Variants in ALKBH1 observed in about 807,000 individuals in gnomAD.
ALKBH1 encodes nucleic acid dioxygenase ALKBH1.
In ALKBH1, 31 loss-of-function variants were observed where a neutral mutation model predicts 36.6. The observed-to-expected ratio is 0.85, with a 90% confidence interval of 0.64 to 1.14. The LOEUF is 1.14. Among genes scored for constraint, ALKBH1 ranks in the 50% most tolerant of loss-of-function variants. ALKBH1 has a pLI of 0.00. For missense variants in ALKBH1, 490 were observed against 497.3 expected (o/e 0.99, Z 0.14); for synonymous variants, 183 against 186.6 (o/e 0.98, Z 0.16).
chr14:77,676,578 T>C (rs1190709673), intron 4 of ALKBH1, among the ~76,000 whole-genome samples: 3 of 152,172 alleles, frequency 2.0e-5, no homozygotes, highest in African/African-American at 7.2e-5. Flanking sequence ...AGAACAAAGA[T>C]ATTAGTTAAA....
At chr14:77,690,762 TTC>T (rs534615909) in intron 3 of ALKBH1, among the ~76,000 whole-genome samples, 47 of 152,376 alleles carry the variant, frequency 3.1e-4, no homozygotes, top group African/African-American at 9.9e-4. Flanking sequence ...CATTTTTTTT[TTC>T]TGTTACAAAC....
intron 2 of ALKBH1, among the ~76,000 whole-genome samples, chr14:77,701,248 G>C (rs375101302): frequency 6.6e-6 from 1 of 152,176 alleles, no homozygotes; most frequent in African/African-American, 2.4e-5. Context: ...TAAATGCACT[G>C]ATCTAAGCAG....
chr14:77,704,379 T>G lies in ALKBH1; in HGVS notation c.282A>C (p.Lys94Asn), dbSNP rs764056279. The stretch of plus-strand genomic sequence containing the variant: ...GTCAGTTACACTCACCAGGATAGCC[T>G]TTGAGTCCATAGGCTTGCCACTTGC... ...PVSKWQAYGLKGYPGFIFIPN... is the reference protein window; with the variant it reads ...PVSKWQAYGLNGYPGFIFIPN... Residue 94 changes from lysine to asparagine, a missense_variant, in exon 2 of 6, where the codon AAA (lysine) becomes AAC (asparagine). Transcript: ENST00000216489. The G allele has an allele frequency of 6.2e-7, 1 of 1,613,444 alleles. No individual in the cohort carries two copies. Among genetic ancestry groups the G allele is most frequent in the Non-Finnish European group, 8.5e-7 (1 of 1,179,346 alleles).
intron 1 of ALKBH1, among the ~76,000 whole-genome samples, chr14:77,706,047 G>A (rs1374094314): frequency 2.0e-5 from 3 of 151,468 alleles, no homozygotes; most frequent in Non-Finnish European, 4.4e-5. Context: ...ACAGTGAGAC[G>A]CTGTCTCAGT....
chr14:77,674,214 C>T lies in ALKBH1; in HGVS notation c.768G>A (p.Leu256=), dbSNP rs755405334. Residue 256 remains leucine (L), a synonymous_variant, in exon 6 of 6, where the codon CTG becomes CTA. Coordinates refer to ENST00000216489, the MANE Select transcript of ALKBH1 (RefSeq NM_006020.3). The part of the protein sequence containing the change: ...FSFGQSAIFL[L]GGLQRDEAPT... ...GGGCCTCATCCCTTTGAAGACCACC[C>T]AGGAGAAAGATGGCGGACTGTCCAA... The T allele has an allele frequency of 1.2e-6, 2 of 1,609,062 alleles. No homozygotes were observed. The highest frequency in any genetic ancestry group is 1.7e-5 in the Admixed American group (1 of 59,256).
intron 2 of ALKBH1, among the ~76,000 whole-genome samples, chr14:77,703,593 C>A (rs1255867167): frequency 8.0e-5 from 9 of 112,898 alleles, no homozygotes; most frequent in Admixed American, 6.9e-4. Flanking sequence ...CTGCGTCCAG[C>A]TTTTTTTTTT....
At chr14:77,678,784 C>T (rs1342561332) in intron 4 of ALKBH1, among the ~76,000 whole-genome samples, 1 of 151,994 alleles carries the variant, frequency 6.6e-6, no homozygotes, top group Non-Finnish European at 1.5e-5. Context: ...AATTCTTTCC[C>T]ACCTCCCTCC....
At chr14:77,687,797 T>C (rs1303804862) in intron 3 of ALKBH1, among the ~76,000 whole-genome samples, 1 of 152,190 alleles carries the variant, frequency 6.6e-6, no homozygotes, top group Non-Finnish European at 1.5e-5. Flanking sequence ...TGAGGCTTCC[T>C]GGGGCCAACA....
At position 77,673,101 on chromosome 14, in the gene ALKBH1, G is replaced by A. The variant is rs921822665; in HGVS notation, c.*711C>T. 1.3e-5 allele frequency: 2 copies of A among 152,070 alleles called. No individual in the cohort carries two copies. Among genetic ancestry groups the A allele is most frequent in the African/African-American group, 4.8e-5 (2 of 41,404 alleles). The allele number at this position is 152,070 out of a possible 1,614,324, so 9.4% of individuals were successfully genotyped here. A position where few individuals can be genotyped will look rare whatever the true frequency, so the allele number is the denominator to read the frequency against. On this transcript the variant is annotated 3_prime_UTR_variant, in exon 6 of 6. Transcript: ENST00000216489. Reference sequence around the variant, plus strand: ...AGAAAACAGTAACAAAACACCCTTGGGACTTTTTTATTCCAACAATTAAAA... The same window carrying A: ...AGAAAACAGTAACAAAACACCCTTGAGACTTTTTTATTCCAACAATTAAAA...
At chr14:77,683,305 TG>T in intron 3 of ALKBH1, 1 of 746,186 alleles carries the variant, frequency 1.3e-6, no homozygotes, top group Non-Finnish European at 2.5e-6. Flanking sequence ...GCACTTCAGT[TG>T]AACTCAGGTA....
chr14:77,690,963 G>A (rs907413822), intron 3 of ALKBH1, among the ~76,000 whole-genome samples: 2 of 152,018 alleles, frequency 1.3e-5, no homozygotes, highest in African/African-American at 2.4e-5. Context: ...CACCATGCCC[G>A]GCTAATTTTG....
rs534630640 is a variant in ALKBH1 at position 77,706,201 on chromosome 14, A to G, written c.183+1621T>C. Among the ~76,000 whole-genome samples, 131 of 152,232 alleles carry G rather than the reference A, an allele frequency of 8.6e-4. 1 individual carries two copies. In the Middle Eastern group the frequency reaches 0.01, roughly 12 times the overall value. On this transcript the variant is annotated intron_variant, in intron 1 of 5. Transcript: ENST00000216489. ...GGAGATTCCTGGACAAAATACCAAA[A>G]GTTTGCTGATGTATAACCAGTCTCT... is the stretch of plus-strand genomic sequence containing the variant.
In ALKBH1 at chr14:77,708,007, C is replaced by G. The variant is rs761306894; in HGVS notation, c.-3G>C. On this transcript the variant is annotated 5_prime_UTR_variant, in exon 1 of 6. Coordinates refer to ENST00000216489, the MANE Select transcript of ALKBH1 (RefSeq NM_006020.3). The stretch of plus-strand genomic sequence containing the variant: ...ACGGCCGCTGCCATCTTCCCCATCT[C>G]GCGGCCTATACCCTCTGATCCGGAA... 6.2e-7 allele frequency: 1 copy of G among 1,609,056 alleles called. No individual in the cohort carries two copies. The highest frequency in any genetic ancestry group is 2.2e-5 in the East Asian group (1 of 44,798).
chr14:77,705,317 A>G (rs1354443154), intron 1 of ALKBH1, among the ~76,000 whole-genome samples: 1 of 150,894 alleles, frequency 6.6e-6, no homozygotes, highest in Non-Finnish European at 1.5e-5. Flanking sequence ...AGGCTGGGGC[A>G]CCAGAATTGC....
intron 4 of ALKBH1, among the ~76,000 whole-genome samples, chr14:77,678,007 T>C (rs1054738525): frequency 2.3e-4 from 34 of 147,332 alleles, no homozygotes; most frequent in African/African-American, 8.5e-4. Context: ...TGGTCATTTT[T>C]ACTCCCTATT....
intron 3 of ALKBH1, among the ~76,000 whole-genome samples, chr14:77,682,760 C>T (rs547181527): frequency 2.2e-4 from 33 of 152,224 alleles, no homozygotes; most frequent in Admixed American, 1.1e-3. Flanking sequence ...GGCAATGGCA[C>T]GATCTTGGCT....
chr14:77,678,820 A>G (rs762255734), intron 4 of ALKBH1, among the ~76,000 whole-genome samples: 14 of 152,048 alleles, frequency 9.2e-5, no homozygotes, highest in Admixed American at 2.6e-4. Flanking sequence ...GAGCAGGCAA[A>G]TATCTTTTTT....
intron 5 of ALKBH1, among the ~76,000 whole-genome samples, chr14:77,674,712 C>A (rs1037984945): frequency 1.3e-5 from 2 of 151,958 alleles, no homozygotes; most frequent in Non-Finnish European, 2.9e-5. Context: ...GCCACCACAC[C>A]CGACTAATTT....
At chr14:77,680,677 C>CTCTCTTTTT (rs774703181) in intron 3 of ALKBH1, among the ~76,000 whole-genome samples, 3 of 124,348 alleles carry the variant, frequency 2.4e-5, no homozygotes, top group Non-Finnish European at 3.3e-5. Context: ...ATTAACTACT[C>CTCTCTTTTT]TTTTTTTTTT....
Sources: allele counts gnomAD v4.1 joint callset (sites outside exome capture counted in the v4.1 genomes callset), GRCh38; gene constraint gnomAD v4.1.1; transcripts MANE v1.5; gene names NCBI Gene and HGNC (gene_info 2026-07-23, HGNC 2026-07-21).